The following ARID2 variants were observed in gnomAD, a reference collection of about 807,000 sequenced individuals.
ARID2 encodes the protein AT-rich interactive domain-containing protein 2.
A neutral mutation model predicts 184.6 loss-of-function variants in ARID2; 32 were observed. The ratio of observed to expected loss-of-function variants is 0.17; its 90% CI spans 0.13 to 0.23. The LOEUF is 0.23. Among genes scored for constraint, ARID2 ranks in the 10% least tolerant of loss-of-function variants. The pLI is 1.00. For synonymous variants in ARID2, 836 were observed against 772.6 expected (o/e 1.08, Z -1.36); for missense variants, 1,696 against 2,197.6 (o/e 0.77, Z 4.56).
intron 16 of ARID2, among the ~76,000 whole-genome samples, chr12:45,883,593 T>C (rs144372537): frequency 6.7e-6 from 1 of 150,132 alleles, no homozygotes; most frequent in Non-Finnish European, 1.5e-5. Flanking sequence ...AGATACTGTA[T>C]ATAAAAATAT....
intron 4 of ARID2, among the ~76,000 whole-genome samples, chr12:45,815,438 G>A (rs1011778367): frequency 2.0e-5 from 3 of 152,044 alleles, no homozygotes; most frequent in African/African-American, 7.2e-5. Flanking sequence ...CTGTGTTGTG[G>A]AATTTCTTCA....
At chr12:45,879,063 C>G (rs247927) in intron 16 of ARID2, among the ~76,000 whole-genome samples, 22,488 of 151,992 alleles carry the variant, frequency 0.15, 2,012 homozygotes, top group Admixed American at 0.21. Flanking sequence ...CACTGTTATA[C>G]TATACTGGAA....
intron 16 of ARID2, among the ~76,000 whole-genome samples, chr12:45,872,683 A>G (rs911380518): frequency 1.3e-5 from 2 of 152,232 alleles, no homozygotes; most frequent in Non-Finnish European, 2.9e-5. Flanking sequence ...GCGTAACCGC[A>G]TGGGTGGGGA....
chr12:45,865,977 C>T (rs1943826134), intron 16 of ARID2, among the ~76,000 whole-genome samples: 1 of 151,952 alleles, frequency 6.6e-6, no homozygotes, highest in African/African-American at 2.4e-5. Context: ...CCAAAAATAG[C>T]GTTATCAGAA....
intron 3 of ARID2, among the ~76,000 whole-genome samples, chr12:45,803,373 A>G (rs1377971589): frequency 6.6e-6 from 1 of 152,174 alleles, no homozygotes. Flanking sequence ...AGCCACTTTT[A>G]TCATGAGAAA....
At chr12:45,875,494 T>G (rs2138210049) in intron 16 of ARID2, among the ~76,000 whole-genome samples, 1 of 152,360 alleles carries the variant, frequency 6.6e-6, no homozygotes, top group African/African-American at 2.4e-5. Context: ...AGAGTCAGCC[T>G]TTCTTAGAAT....
chr12:45,848,737 T>A, intron 12 of ARID2, 99 bp from the exon 13 acceptor site: 1 of 995,712 alleles, frequency 1.0e-6, no homozygotes. Flanking sequence ...TAGGTATAAT[T>A]ATTAGTTTTA....
chr12:45,754,655 T>A (rs2137999764), intron 3 of ARID2, among the ~76,000 whole-genome samples: 1 of 152,368 alleles, frequency 6.6e-6, no homozygotes, highest in African/African-American at 2.4e-5. Context: ...TTGAAGTAGA[T>A]CCTTCTTTAT....
At chr12:45,735,418 CGTGTGTGTGTGTGTGTGT>C (rs56133410) in intron 3 of ARID2, among the ~76,000 whole-genome samples, 3 of 141,398 alleles carry the variant, frequency 2.1e-5, no homozygotes, top group South Asian at 2.3e-4. Flanking sequence ...TAAACTGTAT[CGTGTGTGTGTGTGTGTGT>C]GTGTGTGTGT....
intron 16 of ARID2, among the ~76,000 whole-genome samples, chr12:45,880,034 A>G (rs1227036969): frequency 6.6e-6 from 1 of 152,090 alleles, no homozygotes; most frequent in African/African-American, 2.4e-5. Flanking sequence ...AAGGCCCTCT[A>G]CCTTGCCTTT....
intron 16 of ARID2, among the ~76,000 whole-genome samples, chr12:45,890,743 A>G (rs1944289057): frequency 6.6e-6 from 1 of 152,188 alleles, no homozygotes; most frequent in Non-Finnish European, 1.5e-5. Context: ...AATATTAGTC[A>G]TTCCTGAAGG....
intron 3 of ARID2, among the ~76,000 whole-genome samples, chr12:45,744,084 A>G (rs1166005985): frequency 1.3e-5 from 2 of 152,080 alleles, no homozygotes; most frequent in African/African-American, 4.8e-5. Context: ...TAAGTTATGC[A>G]TCAAATTACT....
Position 45,802,159 on chromosome 12 carries a change from C to T in ARID2, c.285-9259C>T, listed in dbSNP as rs188724780. ...ACAGCTCACTGCATCCTCAACCTTC[C>T]GGGCTTAAGTGATCCTCTTACCTCA... On this transcript the variant is annotated intron_variant, in intron 3 of 20. Transcript: ENST00000334344. 2.6e-3 allele frequency among the ~76,000 whole-genome samples: 394 copies of T among 149,510 alleles called. 2 individuals are homozygous for T. Among genetic ancestry groups the T allele is most frequent in the Non-Finnish European group, 3.0e-3 (204 of 67,326 alleles).
chr12:45,887,850 A>C (rs924113128), intron 16 of ARID2, among the ~76,000 whole-genome samples: 2 of 152,200 alleles, frequency 1.3e-5, no homozygotes, highest in Non-Finnish European at 2.9e-5. Context: ...TCACCAATAT[A>C]TAAGTGAAGG....
intron 3 of ARID2, among the ~76,000 whole-genome samples, chr12:45,735,622 G>A (rs895621249): frequency 1.3e-5 from 2 of 151,972 alleles, no homozygotes; most frequent in African/African-American, 2.4e-5. Context: ...GCCTGGCAGT[G>A]TATCCATTTT....
At chr12:45,763,293 A>G (rs1440798448) in intron 3 of ARID2, among the ~76,000 whole-genome samples, 3 of 152,134 alleles carry the variant, frequency 2.0e-5, no homozygotes, top group Non-Finnish European at 2.9e-5. Flanking sequence ...ACATAGTGAA[A>G]CCCCGTCTCT....
At chr12:45,741,393 G>T (rs564872214) in intron 3 of ARID2, among the ~76,000 whole-genome samples, 1 of 152,066 alleles carries the variant, frequency 6.6e-6, no homozygotes, top group Non-Finnish European at 1.5e-5. Context: ...AGATAGGGTT[G>T]TGCCATTTTG....
At chr12:45,739,169 G>A (rs776107954) in intron 3 of ARID2, among the ~76,000 whole-genome samples, 2 of 151,880 alleles carry the variant, frequency 1.3e-5, no homozygotes, top group Admixed American at 6.6e-5. Flanking sequence ...AGTAGAAATG[G>A]GGTTTCACCA....
rs1217451868 is a variant in ARID2, at chr12:45,836,889, A to G, written c.921A>G (p.Ala307=). ...AGGAGGGCAATGTTAAGCTCTTGGC[A>G]GCTAATCGTACCTGTCTTCGTTTCC... ...SFEEGNVKLL[A]ANRTCLRFLL... The change falls in exon 8 of 21, where the codon GCA becomes GCG. Residue 307 remains alanine, a synonymous_variant. Transcript: ENST00000334344. 1 of 1,614,172 alleles carries G rather than the reference A, an allele frequency of 6.2e-7. No homozygotes were observed. The highest frequency in any genetic ancestry group is 8.5e-7 in the Non-Finnish European group (1 of 1,180,018).
Sources: allele counts gnomAD v4.1 joint callset (sites outside exome capture counted in the v4.1 genomes callset), GRCh38; gene constraint gnomAD v4.1.1; transcripts MANE v1.5; gene names NCBI Gene and HGNC (gene_info 2026-07-23, HGNC 2026-07-21).